MCCC2: variants seen among roughly 807,000 people sequenced by gnomAD.
MCCC2 encodes the protein methylcrotonyl-CoA carboxylase subunit 2.
In MCCC2, 52 loss-of-function variants were observed where a neutral mutation model predicts 77.2. The observed-to-expected ratio is 0.67, with a 90% CI of 0.54 to 0.85. The LOEUF is 0.85. Among genes scored for constraint, MCCC2 ranks in the 40% least tolerant of loss-of-function variants. The pLI is 0.00. For synonymous variants in MCCC2, 253 were observed against 248.4 expected (o/e 1.02, Z -0.18); for missense variants, 682 against 703.2 (o/e 0.97, Z 0.34).
At position 71,650,244 on chromosome 5, in the gene MCCC2, C is replaced by T. The variant is rs1747399912; in HGVS notation, c.1488+61C>T. 13 of 1,445,510 alleles carry T rather than the reference C, an allele frequency of 9.0e-6. No individual in the cohort carries two copies. In the South Asian group the frequency reaches 1.5e-4, roughly 17 times the overall value. 89.5% of individuals were successfully genotyped at this position (1,445,510 alleles called of 1,614,324 possible). On this transcript the variant is annotated intron_variant, in intron 15 of 16. Coordinates refer to ENST00000340941, the MANE Select transcript of MCCC2 (RefSeq NM_022132.5). Reference sequence around the variant, plus strand: ...GCCTCTCACCATAAACACCCTGGAGCCAAGGAGCAGCGTGCCTGGAAGCCC... The same window carrying T: ...GCCTCTCACCATAAACACCCTGGAGTCAAGGAGCAGCGTGCCTGGAAGCCC...
In MCCC2 at chr5:71,587,379, CG is replaced by C; in HGVS notation, c.-45del. On this transcript the variant is annotated 5_prime_UTR_variant, in exon 1 of 17. Coordinates refer to ENST00000340941, the MANE Select transcript of MCCC2 (RefSeq NM_022132.5). ...CCAGGGAAGCGGCAGGGGAAAGCAC[CG>C]GCTCCAGGCCAGCGTGGGCCGCTCT... 6.6e-7 allele frequency: 1 copy of C among 1,526,228 alleles called. No homozygotes were observed. Among genetic ancestry groups the C allele is most frequent in the Non-Finnish European group, 8.8e-7 (1 of 1,142,514 alleles). 94.5% of individuals were successfully genotyped at this position (1,526,228 alleles called of 1,614,324 possible).
At chr5:71,626,978 A>G (rs1746551034) in intron 7 of MCCC2, among the ~76,000 whole-genome samples, 1 of 152,056 alleles carries the variant, frequency 6.6e-6, no homozygotes, top group Admixed American at 6.6e-5. Context: ...ATCCTCCCCA[A>G]CTGAAATTCT....
chr5:71,645,015 T>C (rs941720943), intron 12 of MCCC2, among the ~76,000 whole-genome samples: 1 of 152,164 alleles, frequency 6.6e-6, no homozygotes, highest in African/African-American at 2.4e-5. Context: ...GTTTTGCATG[T>C]TTTCATTTAA....
intron 11 of MCCC2, among the ~76,000 whole-genome samples, chr5:71,642,111 G>T (rs1166027754): frequency 6.6e-6 from 1 of 152,176 alleles, no homozygotes; most frequent in African/African-American, 2.4e-5. Context: ...CTTGCTAAAA[G>T]CCCTGTGGCA....
intron 6 of MCCC2, among the ~76,000 whole-genome samples, chr5:71,613,518 G>T (rs1419110777): frequency 6.6e-6 from 1 of 152,118 alleles, no homozygotes; most frequent in Non-Finnish European, 1.5e-5. Context: ...TATTAGGGCT[G>T]GGCGTGGTGG....
intron 16 of MCCC2, among the ~76,000 whole-genome samples, chr5:71,656,104 G>T (rs10058683): frequency 0.79 from 119,558 of 152,076 alleles, 48,810 homozygotes; most frequent in East Asian, 0.98. Flanking sequence ...AATACCAGCT[G>T]CTAGGGAGGC....
chr5:71,649,115 A>G lies in MCCC2; in HGVS notation c.1235A>G (p.Glu412Gly), dbSNP rs371587906. ...QNITGFMVGR[E>G]YEAEGIAKDG... ...CTCTCAGGATTTATGGTTGGTAGAG[A>G]GTATGAAGCTGAAGGAATTGCCAAG... The change falls in exon 14 of 17, where the codon GAG becomes GGG. Residue 412 changes from glutamate to glycine, a missense_variant. Physicochemically the swap from Glu to Gly is moderately conservative, Grantham distance 98 (BLOSUM62 -2). Coordinates refer to ENST00000340941, the MANE Select transcript of MCCC2 (RefSeq NM_022132.5). 90 of 1,614,076 alleles carry G rather than the reference A, an allele frequency of 5.6e-5. No individual in the cohort carries two copies. The highest frequency in any genetic ancestry group is 1.0e-5 in the Non-Finnish European group (12 of 1,180,036).
intron 11 of MCCC2, among the ~76,000 whole-genome samples, chr5:71,643,052 G>T (rs921972847): frequency 1.3e-5 from 2 of 150,818 alleles, no homozygotes; most frequent in Non-Finnish European, 2.9e-5. Flanking sequence ...CATAAACCCA[G>T]ACAAAGCCAG....
chr5:71,643,266 C>T (rs184636422), intron 11 of MCCC2, among the ~76,000 whole-genome samples: 1 of 151,628 alleles, frequency 6.6e-6, no homozygotes, highest in African/African-American at 2.4e-5. Context: ...TCTGTAGTCT[C>T]AGCTACTCAG....
chr5:71,587,641 C>T, intron 1 of MCCC2, 87 bp downstream of exon 1: 8 of 1,474,128 alleles, frequency 5.4e-6, no homozygotes, highest in South Asian at 3.7e-5. Context: ...CTGCTGCTCT[C>T]TTGTCCGGAG....
At chr5:71,645,242 A>G (rs888282030) in intron 12 of MCCC2, among the ~76,000 whole-genome samples, 2 of 152,160 alleles carry the variant, frequency 1.3e-5, no homozygotes, top group Admixed American at 6.5e-5. Context: ...CCAAAGGTCT[A>G]TGTGATTTTC....
chr5:71,604,562 A>C (rs1745590301), intron 6 of MCCC2, 94 bp downstream of exon 6: 1 of 915,620 alleles, frequency 1.1e-6, no homozygotes, highest in Admixed American at 2.1e-5. Context: ...AGTAAAACAG[A>C]ATTTAACACA....
intron 8 of MCCC2, among the ~76,000 whole-genome samples, chr5:71,634,567 G>A (rs1178691166): frequency 6.6e-6 from 1 of 152,162 alleles, no homozygotes; most frequent in Non-Finnish European, 1.5e-5. Flanking sequence ...TTCATCACAC[G>A]CAATTCTGCT....
intron 1 of MCCC2, 197 bp from the exon 2 acceptor site, chr5:71,592,729 A>T: frequency 1.6e-6 from 1 of 627,572 alleles, no homozygotes; most frequent in Non-Finnish European, 2.9e-6. Context: ...GAAGAGCTTG[A>T]ACAAGACAGG....
At chr5:71,629,869 A>G (rs931435087) in intron 7 of MCCC2, among the ~76,000 whole-genome samples, 2 of 152,206 alleles carry the variant, frequency 1.3e-5, no homozygotes, top group African/African-American at 4.8e-5. Context: ...ACAAACTTTC[A>G]TGGGCCATTC....
At chr5:71,621,201 G>A (rs1056853278) in intron 6 of MCCC2, among the ~76,000 whole-genome samples, 1 of 150,744 alleles carries the variant, frequency 6.6e-6, no homozygotes, top group Non-Finnish European at 1.5e-5. Context: ...AGAGAAAGAA[G>A]CAGATACAGG....
rs771344434 is a variant in MCCC2, at chr5:71,635,060, T to C, written c.903+18T>C. On this transcript the variant is annotated intron_variant, in intron 9 of 16. Transcript: ENST00000340941. ...AATTGGATGTGAGTACGATATGTTC[T>C]TATATCTTTTATTTTCCTGAAATGC... The C allele has an allele frequency of 4.3e-6, 7 of 1,613,308 alleles. No individual in the cohort carries two copies. Among genetic ancestry groups the C allele is most frequent in the Middle Eastern group, 1.6e-4 (1 of 6,062 alleles).
chr5:71,646,107 A>T, intron 12 of MCCC2, 104 bp from the exon 13 acceptor site: 1 of 923,534 alleles, frequency 1.1e-6, no homozygotes, highest in Non-Finnish European at 1.7e-6. Flanking sequence ...TTTAAAGGGG[A>T]GTATTCTTTC....
At chr5:71,633,132 TTTTTA>T (rs1561841502) in intron 8 of MCCC2, among the ~76,000 whole-genome samples, 3 of 89,616 alleles carry the variant, frequency 3.3e-5, no homozygotes, top group African/African-American at 1.3e-4. Flanking sequence ...TATATATATA[TTTTTA>T]TTTTTTGTAG....
Sources: allele counts gnomAD v4.1 joint callset (sites outside exome capture counted in the v4.1 genomes callset), GRCh38; gene constraint gnomAD v4.1.1; transcripts MANE v1.5; gene names NCBI Gene and HGNC (gene_info 2026-07-23, HGNC 2026-07-21).